CNTN5: variants seen among roughly 807,000 people sequenced by gnomAD.
The protein encoded by CNTN5 is contactin-5.
CNTN5 carries 77 observed loss-of-function variants against 129.1 expected under a neutral mutation model. The observed-to-expected ratio is 0.60, with a 90% CI of 0.50 to 0.72. The LOEUF (loss-of-function observed/expected upper bound fraction) is 0.72, where lower values mean the gene tolerates loss of function less well. Among genes scored for constraint, CNTN5 ranks in the 30% least tolerant of loss-of-function variants. The pLI, the probability that CNTN5 is intolerant of heterozygous loss-of-function variation, is 0.00. For missense variants in CNTN5, 1,478 were observed against 1,328.8 expected (o/e 1.11, Z -1.75); for synonymous variants, 509 against 465.6 (o/e 1.09, Z -1.20).
chr11:99,879,820 A>G (rs1948726171), intron 6 of CNTN5, among the ~76,000 whole-genome samples: 1 of 152,202 alleles, frequency 6.6e-6, no homozygotes, highest in African/African-American at 2.4e-5. Flanking sequence ...TAAGATCGAG[A>G]GTGTGTGGAA....
intron 3 of CNTN5, among the ~76,000 whole-genome samples, chr11:99,671,257 G>A (rs893030793): frequency 4.6e-5 from 7 of 151,770 alleles, no homozygotes; most frequent in African/African-American, 1.5e-4. Flanking sequence ...CAGAGATTGC[G>A]TTTATCTTGG....
At chr11:99,958,040 A>C (rs924681108) in intron 8 of CNTN5, among the ~76,000 whole-genome samples, 9 of 152,038 alleles carry the variant, frequency 5.9e-5, no homozygotes, top group African/African-American at 2.2e-4. Flanking sequence ...CCATCAGGTA[A>C]AGGGTAAAAA....
At chr11:99,205,964 C>T (rs1859458954) in intron 1 of CNTN5, among the ~76,000 whole-genome samples, 1 of 152,012 alleles carries the variant, frequency 6.6e-6, no homozygotes, top group South Asian at 2.1e-4. Flanking sequence ...TGAAATTAGT[C>T]TTGATCCTCA....
chr11:100,236,187 G>A (rs1483845587), intron 16 of CNTN5, among the ~76,000 whole-genome samples: 2 of 152,160 alleles, frequency 1.3e-5, no homozygotes, highest in Non-Finnish European at 2.9e-5. Flanking sequence ...AAACAAGGCT[G>A]TTTAAGATAA....
At chr11:99,431,647 A>G (rs1192296476) in intron 2 of CNTN5, among the ~76,000 whole-genome samples, 1 of 152,156 alleles carries the variant, frequency 6.6e-6, no homozygotes, top group African/African-American at 2.4e-5. Context: ...CTCCAGTCAG[A>G]GTCCCTTCCA....
At chr11:99,728,660 A>G (rs1943431769) in intron 3 of CNTN5, among the ~76,000 whole-genome samples, 1 of 152,178 alleles carries the variant, frequency 6.6e-6, no homozygotes, top group African/African-American at 2.4e-5. Context: ...TCAGATGGTA[A>G]CCCCAGGAAG....
chr11:99,621,413 G>A (rs1309075602), intron 3 of CNTN5, among the ~76,000 whole-genome samples: 1 of 151,242 alleles, frequency 6.6e-6, no homozygotes, highest in Non-Finnish European at 1.5e-5. Context: ...TATCAAAAAA[G>A]GATATTTTTT....
chr11:99,464,841 C>T (rs1300494962), intron 2 of CNTN5, among the ~76,000 whole-genome samples: 1 of 152,110 alleles, frequency 6.6e-6, no homozygotes, highest in Non-Finnish European at 1.5e-5. Context: ...ATTGTTACCA[C>T]TGGAGATTGG....
intron 8 of CNTN5, among the ~76,000 whole-genome samples, chr11:100,001,186 A>G (rs1591550739): frequency 6.6e-6 from 1 of 152,210 alleles, no homozygotes; most frequent in Admixed American, 6.5e-5. Context: ...AAAAGGACTC[A>G]GAAAACTTAC....
At chr11:99,901,129 T>C (rs1949345602) in intron 6 of CNTN5, among the ~76,000 whole-genome samples, 1 of 152,152 alleles carries the variant, frequency 6.6e-6, no homozygotes, top group African/African-American at 2.4e-5. Flanking sequence ...TATATAAATA[T>C]TCATTGTATA....
chr11:99,032,347 C>G (rs1435690445), intron 1 of CNTN5, among the ~76,000 whole-genome samples: 25 of 151,320 alleles, frequency 1.7e-4, no homozygotes, highest in South Asian at 1.3e-3. Context: ...GCCACACTGA[C>G]TTCCACAATG....
intron 3 of CNTN5, among the ~76,000 whole-genome samples, chr11:99,700,827 G>T (rs542649647): frequency 6.6e-6 from 1 of 151,274 alleles, no homozygotes; most frequent in African/African-American, 2.4e-5. Flanking sequence ...GGCAGAGAGT[G>T]GGGGTGCATG....
intron 6 of CNTN5, among the ~76,000 whole-genome samples, chr11:99,878,633 G>A (rs983411704): frequency 1.3e-5 from 2 of 152,092 alleles, no homozygotes; most frequent in South Asian, 2.1e-4. Flanking sequence ...CCAGGCAGGC[G>A]GATCACGAGG....
Position 99,218,050 on chromosome 11 carries a change from CT to C in CNTN5, c.-209-107289del, listed in dbSNP as rs541626139. 1.5e-4 allele frequency among the ~76,000 whole-genome samples: 23 copies of C among 152,098 alleles called. 1 individual carries two copies. The South Asian group carries it at 4.8e-3, about 32-fold the overall frequency. On this transcript the variant is annotated intron_variant, in intron 1 of 24. Coordinates refer to ENST00000524871, the MANE Select transcript of CNTN5 (RefSeq NM_014361.4). ...AGATTACATTTATTTTCTCCAATTG[CT>C]TTTTTTCTGTTTTATGGTGGTAGTT...
At chr11:99,673,236 T>C (rs886850555) in intron 3 of CNTN5, among the ~76,000 whole-genome samples, 1 of 152,220 alleles carries the variant, frequency 6.6e-6, no homozygotes, top group Non-Finnish European at 1.5e-5. Flanking sequence ...GACAGCTGTG[T>C]CAAAATTGAA....
intron 3 of CNTN5, among the ~76,000 whole-genome samples, chr11:99,634,600 A>T (rs989688963): frequency 1.3e-5 from 2 of 152,206 alleles, no homozygotes; most frequent in African/African-American, 4.8e-5. Flanking sequence ...GAATTAGACT[A>T]TGCTAATGTT....
intron 1 of CNTN5, among the ~76,000 whole-genome samples, chr11:99,260,860 T>G (rs1862593260): frequency 6.6e-6 from 1 of 151,970 alleles, no homozygotes; most frequent in Non-Finnish European, 1.5e-5. Context: ...TTAGGAATCC[T>G]ACAAATGCTA....
At chr11:99,838,467 C>A (rs976020657) in intron 4 of CNTN5, among the ~76,000 whole-genome samples, 5 of 151,864 alleles carry the variant, frequency 3.3e-5, no homozygotes, top group Admixed American at 1.3e-4. Context: ...TTATTAGTTA[C>A]CTATTCCTAT....
At chr11:99,483,069 G>A (rs1156661621) in intron 2 of CNTN5, among the ~76,000 whole-genome samples, 1 of 151,080 alleles carries the variant, frequency 6.6e-6, no homozygotes, top group Non-Finnish European at 1.5e-5. Flanking sequence ...CCAGCTACTG[G>A]GGAGGCTGAG....
Sources: allele counts gnomAD v4.1 joint callset (sites outside exome capture counted in the v4.1 genomes callset), GRCh38; gene constraint gnomAD v4.1.1; transcripts MANE v1.5; gene names NCBI Gene and HGNC (gene_info 2026-07-23, HGNC 2026-07-21).